Variants in AATF observed in about 807,000 individuals in gnomAD.
AATF encodes protein AATF.
AATF carries 48 observed loss-of-function variants against 63.7 expected under a neutral mutation model. The ratio of observed to expected loss-of-function variants is 0.75; its 90% CI spans 0.60 to 0.96. AATF has a LOEUF of 0.96. Ranked by LOEUF, AATF falls within the 40% of genes least tolerant of loss-of-function variation. The pLI is 0.00. For synonymous variants in AATF, 258 were observed against 247.7 expected, an observed-to-expected ratio of 1.04 and a Z score of -0.39; for missense variants, 639 against 685.7, an observed-to-expected ratio of 0.93 and a Z score of 0.76.
chr17:36,973,520 G>A lies in AATF; in HGVS notation c.833-13097G>A, dbSNP rs111941943. 1.4e-3 allele frequency among the ~76,000 whole-genome samples: 207 copies of A among 152,302 alleles called. 1 individual carries two copies. Among genetic ancestry groups the A allele is most frequent in the African/African-American group, 4.9e-3 (202 of 41,562 alleles). Reference sequence around the variant, plus strand: ...AATGTCACAGCTTAAAGCAATGAAGGCAGGAGAAATATGGAGATGAATTTG... The same window carrying A: ...AATGTCACAGCTTAAAGCAATGAAGACAGGAGAAATATGGAGATGAATTTG... On this transcript the variant is annotated intron_variant, in intron 4 of 11. Transcript: ENST00000619387.
chr17:36,989,049 T>C (rs975614572), intron 6 of AATF, among the ~76,000 whole-genome samples, 198 bp from the exon 7 acceptor site: 1 of 151,838 alleles, frequency 6.6e-6, no homozygotes, highest in Non-Finnish European at 1.5e-5. Flanking sequence ...TGTAGAAAAA[T>C]GATATGACCT....
intron 4 of AATF, among the ~76,000 whole-genome samples, chr17:36,980,883 A>G (rs985395745): frequency 1.3e-5 from 2 of 149,418 alleles, no homozygotes; most frequent in Admixed American, 6.7e-5. Flanking sequence ...CACTGGTGAC[A>G]TTTACTTTGA....
At chr17:36,958,307 C>A (rs374893685) in intron 4 of AATF, among the ~76,000 whole-genome samples, 1 of 151,954 alleles carries the variant, frequency 6.6e-6, no homozygotes, top group Non-Finnish European at 1.5e-5. Flanking sequence ...GGACTACAGG[C>A]GCATGCCACC....
At chr17:36,982,572 C>CT (rs745506769) in intron 4 of AATF, among the ~76,000 whole-genome samples, 4 of 152,120 alleles carry the variant, frequency 2.6e-5, no homozygotes, top group Non-Finnish European at 4.4e-5. Flanking sequence ...CCATGATGGT[C>CT]TCCATCTCCT....
At position 36,989,246 on chromosome 17, in the gene AATF, G is replaced by GGGT. The variant is rs1370891490; in HGVS notation, c.1150_1152dup (p.Gly384dup). The GGGT allele has an allele frequency of 6.2e-7, 1 of 1,610,212 alleles. No homozygotes were observed. The highest frequency in any genetic ancestry group is 1.1e-5 in the South Asian group (1 of 90,552). On this transcript the variant is annotated inframe_insertion and splice_region_variant. Transcript: ENST00000619387. ...TCTGACACTGCTTAATGTTGTTGCA[G>GGGT]GGTTTTGGTGCCTTTGAACGCTCAA...
chr17:37,016,308 AT>A (rs1008928404), intron 8 of AATF, among the ~76,000 whole-genome samples: 1 of 152,138 alleles, frequency 6.6e-6, no homozygotes, highest in African/African-American at 2.4e-5. Flanking sequence ...TCTAGCATGC[AT>A]TTTTTCTAAT....
Position 36,977,545 on chromosome 17 carries a change from T to G in AATF, c.833-9072T>G, listed in dbSNP as rs142985316. On this transcript the variant is annotated intron_variant, in intron 4 of 11. Transcript: ENST00000619387. ...TAAAAATCAGAGGGGTTACTTGGAT[T>G]GTGGTTCTAATTTTATTTTTAATAA... Among the ~76,000 whole-genome samples, 600 of 152,186 alleles carry G rather than the reference T, an allele frequency of 3.9e-3. 6 individuals carry two copies. The highest frequency in any genetic ancestry group is 0.014 in the African/African-American group (580 of 41,550).
chr17:36,970,638 C>T (rs2071032432), intron 4 of AATF, among the ~76,000 whole-genome samples: 2 of 151,296 alleles, frequency 1.3e-5, no homozygotes, highest in Admixed American at 1.3e-4. Context: ...GCTCCTGGCT[C>T]ATGCAGTCTT....
chr17:37,018,999 C>T lies in AATF; in HGVS notation c.1399-6C>T. ...AATAAATTCGTTGCTTTCCTTTTTC[C>T]CCTAGCTCCTTCGAGAACTCATAGA... On this transcript the variant is annotated splice_polypyrimidine_tract_variant and splice_region_variant and intron_variant, in intron 8 of 11. Coordinates refer to ENST00000619387, the MANE Select transcript of AATF (RefSeq NM_012138.4). 6.2e-7 allele frequency: 1 copy of T among 1,613,472 alleles called. No individual in the cohort carries two copies. The highest frequency in any genetic ancestry group is 8.5e-7 in the Non-Finnish European group (1 of 1,179,542).
At chr17:37,022,133 TGTGTGTGTGTGTGTGTGTGA>T (rs1424001014) in intron 10 of AATF, among the ~76,000 whole-genome samples, 9 of 148,872 alleles carry the variant, frequency 6.0e-5, no homozygotes, top group South Asian at 2.1e-4. Context: ...TGTGTGTGTG[TGTGTGTGTGTGTGTGTGTGA>T]GAAACACAGT....
At chr17:36,992,018 C>T (rs1277066409) in intron 8 of AATF, among the ~76,000 whole-genome samples, 2 of 152,146 alleles carry the variant, frequency 1.3e-5, no homozygotes, top group Non-Finnish European at 2.9e-5. Flanking sequence ...ATTTTTTTCT[C>T]TGTCAAATTT....
chr17:37,053,187 G>A (rs1365746086), intron 11 of AATF, among the ~76,000 whole-genome samples: 1 of 151,994 alleles, frequency 6.6e-6, no homozygotes, highest in Admixed American at 6.6e-5. Context: ...ATGGATCCAT[G>A]AACAAATGGA....
chr17:36,993,552 G>T (rs1005066478), intron 8 of AATF, among the ~76,000 whole-genome samples: 8 of 152,204 alleles, frequency 5.3e-5, no homozygotes, highest in African/African-American at 1.7e-4. Context: ...GCTTCATAAA[G>T]TGCTTTCCTT....
chr17:37,027,243 A>G (rs2071517647), intron 10 of AATF, among the ~76,000 whole-genome samples: 1 of 152,228 alleles, frequency 6.6e-6, no homozygotes, highest in Non-Finnish European at 1.5e-5. Flanking sequence ...TTAATCAGAA[A>G]TCATAATGTA....
At chr17:37,022,812 G>T (rs1269667664) in intron 10 of AATF, among the ~76,000 whole-genome samples, 1 of 152,138 alleles carries the variant, frequency 6.6e-6, no homozygotes, top group Non-Finnish European at 1.5e-5. Context: ...CTGTACAAGT[G>T]TTTGTTGCCA....
intron 8 of AATF, among the ~76,000 whole-genome samples, chr17:37,009,516 C>G (rs932050367): frequency 6.6e-6 from 1 of 151,816 alleles, no homozygotes; most frequent in South Asian, 2.1e-4. Context: ...GGATAATTCT[C>G]ATCCGCTTAA....
At chr17:36,959,725 A>G (rs1192674035) in intron 4 of AATF, among the ~76,000 whole-genome samples, 3 of 152,212 alleles carry the variant, frequency 2.0e-5, no homozygotes, top group African/African-American at 4.8e-5. Flanking sequence ...AGTGAGCACC[A>G]TGTTTCATTA....
chr17:36,971,413 C>T (rs1023619215), intron 4 of AATF, among the ~76,000 whole-genome samples: 2 of 152,270 alleles, frequency 1.3e-5, no homozygotes, highest in Admixed American at 1.3e-4. Context: ...ACACACCTGA[C>T]AACACCAAGT....
chr17:37,047,235 T>C (rs1028364061), intron 11 of AATF, among the ~76,000 whole-genome samples: 1 of 152,218 alleles, frequency 6.6e-6, no homozygotes, highest in African/African-American at 2.4e-5. Flanking sequence ...GGAATATTAA[T>C]GCGTGGAAGG....
Sources: gnomAD v4.1 joint callset for allele counts (sites outside exome capture counted in the v4.1 genomes callset) on GRCh38, gnomAD v4.1.1 for gene constraint, MANE v1.5 for transcripts, NCBI Gene and HGNC (gene_info 2026-07-23, HGNC 2026-07-21) for gene names.